Variants in SCML2 observed in about 807,000 individuals in gnomAD.
SCML2 encodes sex comb on midleg-like protein 2.
In SCML2, 6 loss-of-function variants were observed where a neutral mutation model predicts 48.4. That is an observed-to-expected ratio of 0.12 (90% CI 0.07 to 0.24). The LOEUF (loss-of-function observed/expected upper bound fraction) is 0.24. SCML2 is among the 10% of genes least tolerant of loss of function. The pLI, the probability that SCML2 is intolerant of heterozygous loss-of-function variation, is 1.00. For missense variants in SCML2, 377 were observed against 528.2 expected, an observed-to-expected ratio of 0.71 and a Z score of 2.81; for synonymous variants, 181 against 189.5, an observed-to-expected ratio of 0.95 and a Z score of 0.37.
At chrX:18,253,946 T>C (rs755567600) in intron 11 of SCML2, among the ~76,000 whole-genome samples, 1 of 111,686 alleles carries the variant, frequency 9.0e-6, no homozygotes, top group South Asian at 3.8e-4. Flanking sequence ...AGTTCAAAAA[T>C]AGGCAAAAGT....
chrX:18,300,943 T>G (rs889563046), intron 7 of SCML2, among the ~76,000 whole-genome samples: 1 of 110,439 alleles, frequency 9.1e-6, no homozygotes, highest in Non-Finnish European at 1.9e-5. Flanking sequence ...AGCCACAAAA[T>G]AGATAAAGCA....
rs772076777 is a variant in SCML2 at position 18,334,057 on chromosome X, C to A, written c.15G>T (p.Val5=). Residue 5 remains valine (V), a synonymous_variant, in exon 2 of 15, where the codon GTG becomes GTT. Coordinates refer to ENST00000251900, the MANE Select transcript of SCML2 (RefSeq NM_006089.3). MGQT[V]NEDSMDVKKE... Reference sequence around the variant, plus strand: ...TTAACAAGTAAATCTTACCTTCATTCACTGTTTGTCCCATGGTATCCCTAT... The same window carrying A: ...TTAACAAGTAAATCTTACCTTCATTAACTGTTTGTCCCATGGTATCCCTAT... 1 of 1,195,251 alleles carries A rather than the reference C, an allele frequency of 8.4e-7. No homozygotes were observed. Among genetic ancestry groups the A allele is most frequent in the African/African-American group, 1.8e-5 (1 of 56,945 alleles).
At chrX:18,323,142 TTCAC>T (rs1929374415) in intron 5 of SCML2, among the ~76,000 whole-genome samples, 2 of 111,657 alleles carry the variant, frequency 1.8e-5, no homozygotes, top group South Asian at 7.6e-4. Context: ...ATGCCCACCA[TTCAC>T]TCAAAGTATA....
intron 1 of SCML2, chrX:18,341,350 C>A: frequency 2.9e-6 from 1 of 341,622 alleles, no homozygotes; most frequent in Non-Finnish European, 5.5e-6. Flanking sequence ...TTCCTAAGAG[C>A]CTGGAGGATT....
At chrX:18,333,003 C>T (rs897995488) in intron 2 of SCML2, among the ~76,000 whole-genome samples, 3 of 110,176 alleles carry the variant, frequency 2.7e-5, no homozygotes, top group African/African-American at 9.9e-5. Flanking sequence ...AGGCCAGGCA[C>T]GTTGGTTCAT....
intron 1 of SCML2, among the ~76,000 whole-genome samples, chrX:18,347,723 CAAAAAAAAAAA>C (rs749758995): frequency 9.4e-3 from 207 of 21,915 alleles, no homozygotes; most frequent in African/African-American, 0.023. Flanking sequence ...GACTCCGTCT[CAAAAAAAAAAA>C]AAAAAAAAAA....
At chrX:18,272,788 G>A (rs779086477) in intron 7 of SCML2, among the ~76,000 whole-genome samples, 10 of 111,305 alleles carry the variant, frequency 9.0e-5, no homozygotes, top group South Asian at 7.8e-4. Flanking sequence ...AAGGCTTGCC[G>A]CCACTGCCTG....
chrX:18,322,669 A>G (rs1929358270), intron 5 of SCML2, among the ~76,000 whole-genome samples: 2 of 111,326 alleles, frequency 1.8e-5, no homozygotes, highest in Non-Finnish European at 1.9e-5. Context: ...CGAGGTGGGA[A>G]GATCACCTGA....
chrX:18,264,841 A>T (rs1927203703), intron 8 of SCML2, among the ~76,000 whole-genome samples: 1 of 111,579 alleles, frequency 9.0e-6, no homozygotes, highest in Non-Finnish European at 1.9e-5. Flanking sequence ...ACATGCTCAG[A>T]TCAGGGGTCT....
chrX:18,341,264 A>G (rs1930004811), intron 1 of SCML2: 1 of 665,834 alleles, frequency 1.5e-6, no homozygotes, highest in Admixed American at 2.8e-5. Context: ...CAATAAGGCC[A>G]AGCTGAAGAA....
In SCML2 at chrX:18,260,155, T is replaced by G; in HGVS notation, c.1069+16A>C. 8.9e-7 allele frequency: 1 copy of G among 1,119,251 alleles called. No homozygotes were observed. The allele number at this position is 1,119,251 out of a possible 1,213,427, so 92.2% of individuals were successfully genotyped here. On this transcript the variant is annotated intron_variant, in intron 9 of 14. Coordinates refer to ENST00000251900, the MANE Select transcript of SCML2 (RefSeq NM_006089.3). Reference sequence around the variant, plus strand: ...AAGATTAGTAATTCTATACTATTTTTAAAATATGAATTTACCTGTAGACAT... The same window carrying G: ...AAGATTAGTAATTCTATACTATTTTGAAAATATGAATTTACCTGTAGACAT...
chrX:18,319,589 C>G (rs1929243083), intron 6 of SCML2, among the ~76,000 whole-genome samples: 1 of 88,469 alleles, frequency 1.1e-5, no homozygotes, highest in African/African-American at 4.9e-5. Flanking sequence ...AGGTGAGACT[C>G]TGTCTCAAAA....
At chrX:18,323,771 G>T in intron 5 of SCML2, 88 bp downstream of exon 5, 2 of 692,515 alleles carry the variant, frequency 2.9e-6, no homozygotes, top group Non-Finnish European at 4.5e-6. Context: ...GAATGCCCAA[G>T]AAAATAAATT....
intron 7 of SCML2, among the ~76,000 whole-genome samples, chrX:18,303,889 T>C (rs369913930): frequency 2.7e-5 from 3 of 112,353 alleles, no homozygotes; most frequent in Non-Finnish European, 5.6e-5. Context: ...AAGAATAATA[T>C]GGCTATAAGC....
In SCML2 at chrX:18,305,069, T is replaced by A. The variant is rs761281184; in HGVS notation, c.633A>T (p.Gly211=). ...EVHITFDGWS[G]AFDYWCKYDS... ...CATACTTGCACCAGTAATCAAAAGC[T>A]CCACTCCAGCCATCAAATGTGATAT... Residue 211 remains glycine, a synonymous_variant, in exon 7 of 15, where the codon GGA becomes GGT. Transcript: ENST00000251900. The A allele has an allele frequency of 8.3e-7, 1 of 1,211,158 alleles. No homozygotes were observed. The highest frequency in any genetic ancestry group is 2.2e-5 in the Admixed American group (1 of 45,922).
chrX:18,348,386 C>T (rs1418477472), intron 1 of SCML2, among the ~76,000 whole-genome samples: 1 of 111,945 alleles, frequency 8.9e-6, no homozygotes, highest in African/African-American at 3.2e-5. Flanking sequence ...CCCCACTAGA[C>T]AACAGACTGC....
intron 7 of SCML2, among the ~76,000 whole-genome samples, chrX:18,284,178 T>C (rs781301646): frequency 8.1e-4 from 91 of 112,130 alleles, no homozygotes; most frequent in African/African-American, 2.7e-3. Flanking sequence ...GACTCCCTAA[T>C]TCAATAAATG....
Position 18,354,586 on chromosome X carries a change from A to G in SCML2, c.-25+6T>C, listed in dbSNP as rs1287733831. The G allele has an allele frequency of 2.5e-5, 7 of 278,432 alleles. No homozygotes were observed. Among genetic ancestry groups the G allele is most frequent in the African/African-American group, 1.7e-4 (6 of 35,837 alleles). 22.9% of individuals were successfully genotyped at this position (278,432 alleles called of 1,213,427 possible). On this transcript the variant is annotated splice_donor_region_variant and intron_variant, in intron 1 of 14. Coordinates refer to ENST00000251900, the MANE Select transcript of SCML2 (RefSeq NM_006089.3). ...ATTCCTTACGGGGCCCGGAATCACCACGTACCTCCAGTCTCGTCGGTGAAA... is the reference window on the plus strand; with the variant it reads ...ATTCCTTACGGGGCCCGGAATCACCGCGTACCTCCAGTCTCGTCGGTGAAA...
chrX:18,265,592 C>T lies in SCML2; in HGVS notation c.941G>A (p.Gly314Glu). 8.3e-7 allele frequency: 1 copy of T among 1,202,590 alleles called. No homozygotes were observed. The highest frequency in any genetic ancestry group is 1.1e-6 in the Non-Finnish European group (1 of 890,555). The change falls in exon 8 of 15, where the codon GGA becomes GAA. Residue 314 changes from glycine (G) to glutamate (E), a missense_variant. By Grantham distance (98) the Gly-to-Glu change is moderately conservative. Coordinates refer to ENST00000251900, the MANE Select transcript of SCML2 (RefSeq NM_006089.3). The stretch of plus-strand genomic sequence containing the variant: ...GGAGGACATACAACTAACCTTTTTT[C>T]CTGAGTTTGGACCTTTTTTCCTTGG... ...ITPRKKGPNS[G>E]KKEKPLPVIC... is the part of the protein sequence containing the mutation.
Sources: gnomAD v4.1 joint callset for allele counts (sites outside exome capture counted in the v4.1 genomes callset) on GRCh38, gnomAD v4.1.1 for gene constraint, MANE v1.5 for transcripts, NCBI Gene and HGNC (gene_info 2026-07-23, HGNC 2026-07-21) for gene names.